Variants in TANC2 observed in about 807,000 individuals in gnomAD.
TANC2 encodes tetratricopeptide repeat, ankyrin repeat and coiled-coil containing 2.
TANC2 carries 26 observed loss-of-function variants against 210.5 expected under a neutral mutation model. The observed-to-expected ratio is 0.12, with a 90% CI of 0.09 to 0.17. The LOEUF (loss-of-function observed/expected upper bound fraction) is 0.17. Ranked by LOEUF, TANC2 falls within the 10% of genes least tolerant of loss-of-function variation. The pLI is 1.00. For missense variants in TANC2, 2,129 were observed against 2,608.9 expected (o/e 0.82, Z 4.01); for synonymous variants, 931 against 967.1 (o/e 0.96, Z 0.69).
At chr17:63,004,073 T>G (rs2033504983) in intron 1 of TANC2, among the ~76,000 whole-genome samples, 1 of 152,236 alleles carries the variant, frequency 6.6e-6, no homozygotes, top group Non-Finnish European at 1.5e-5. Context: ...AGTCTTCATT[T>G]GATGCTCAGA....
rs779826874 is a variant in TANC2 at position 63,207,824 on chromosome 17, CCA to C, written c.769+6868_769+6869del. The stretch of plus-strand genomic sequence containing the variant: ...TAATTTCATCTTTTATGAAACTATA[CCA>C]GTTTATACTGCCACTAGCAATATAC... On this transcript the variant is annotated intron_variant, in intron 7 of 27. Coordinates refer to ENST00000689528, the Ensembl canonical transcript of TANC2. Among the ~76,000 whole-genome samples, 10 of 152,160 alleles carry C rather than the reference CCA, an allele frequency of 6.6e-5. No homozygotes were observed. The South Asian group carries it at 8.3e-4, about 13-fold the overall frequency.
chr17:63,310,824 A>G (rs940720592), intron 9 of TANC2, among the ~76,000 whole-genome samples: 2 of 152,238 alleles, frequency 1.3e-5, no homozygotes, highest in African/African-American at 4.8e-5. Flanking sequence ...GGATATGGTC[A>G]TTTTCACGCA....
intron 13 of TANC2, 102 bp downstream of exon 13, chr17:63,351,518 A>G: frequency 4.6e-6 from 4 of 865,694 alleles, no homozygotes; most frequent in Non-Finnish European, 4.9e-6. Context: ...ACTATGTCCT[A>G]GAGCATTATG....
At chr17:63,095,328 G>A (rs369664430) in intron 3 of TANC2, among the ~76,000 whole-genome samples, 12 of 151,806 alleles carry the variant, frequency 7.9e-5, no homozygotes, top group Non-Finnish European at 1.6e-4. Context: ...GGTACGCCAC[G>A]CCCAGCTAAT....
intron 2 of TANC2, among the ~76,000 whole-genome samples, chr17:63,058,513 T>G (rs977545003): frequency 3.3e-5 from 5 of 152,200 alleles, no homozygotes; most frequent in African/African-American, 9.7e-5. Flanking sequence ...ATGTCCAGAA[T>G]GGGATTACCT....
In TANC2 at chr17:63,420,058, G is replaced by A. The variant is rs2048975206; in HGVS notation, c.4328G>A (p.Arg1443His). ...GCCATCAAGCTGTGTCCCAACAACC[G>A]TGAGATCCAGAGACTTCTGCTGAGA... Residue 1443 changes from arginine (R) to histidine (H), a missense_variant, in exon 28 of 28, where the codon CGT becomes CAT. By Grantham distance (29) the Arg-to-His change is conservative. Coordinates refer to ENST00000689528, the Ensembl canonical transcript of TANC2. The surrounding 1 kb of genome is among the most constrained non-coding windows in gnomAD (Gnocchi z 4.2). 13 of 1,552,170 alleles carry A rather than the reference G, an allele frequency of 8.4e-6. No individual in the cohort carries two copies. Among genetic ancestry groups the A allele is most frequent in the East Asian group, 2.4e-5 (1 of 40,906 alleles).
At chr17:63,301,554 G>A (rs2044713775) in intron 9 of TANC2, among the ~76,000 whole-genome samples, 2 of 152,150 alleles carry the variant, frequency 1.3e-5, no homozygotes, top group African/African-American at 4.8e-5. Context: ...AGATTTTGTA[G>A]TTTATTTGCA....
At position 63,310,893 on chromosome 17, in the gene TANC2, G is replaced by T. The variant is rs1178782127; in HGVS notation, c.1160-3495G>T. 3.3e-5 allele frequency among the ~76,000 whole-genome samples: 5 copies of T among 152,092 alleles called. No homozygotes were observed. In the East Asian group the frequency reaches 9.6e-4, roughly 29 times the overall value. ...AGGTGTATCAAAAACACAACCCATT[G>T]ACCCAGAAATTTCACTTCTAGCATT... On this transcript the variant is annotated intron_variant, in intron 9 of 27. Coordinates refer to ENST00000689528, the Ensembl canonical transcript of TANC2.
At chr17:62,982,566 A>G (rs2032356832) in intron 1 of TANC2, among the ~76,000 whole-genome samples, 1 of 152,106 alleles carries the variant, frequency 6.6e-6, no homozygotes. Flanking sequence ...CATCCTCCCC[A>G]TAATTTCAGT....
intron 1 of TANC2, among the ~76,000 whole-genome samples, chr17:62,993,574 T>C (rs1307186070): frequency 6.6e-6 from 1 of 152,242 alleles, no homozygotes; most frequent in Non-Finnish European, 1.5e-5. Context: ...TTTGATGTTA[T>C]TGTAAATGTA....
chr17:63,215,766 C>A (rs78570108), intron 7 of TANC2, among the ~76,000 whole-genome samples: 1 of 144,984 alleles, frequency 6.9e-6, no homozygotes, highest in Non-Finnish European at 1.5e-5. Flanking sequence ...TTTTTTTTTT[C>A]TGAGACGGAG....
chr17:63,289,584 C>G (rs955660769), intron 9 of TANC2, among the ~76,000 whole-genome samples: 6 of 152,138 alleles, frequency 3.9e-5, no homozygotes, highest in Non-Finnish European at 5.9e-5. Context: ...CTTACATTAC[C>G]CACTATTGTT....
intron 1 of TANC2, among the ~76,000 whole-genome samples, chr17:63,007,898 C>A (rs925419585): frequency 6.6e-6 from 1 of 150,976 alleles, no homozygotes; most frequent in South Asian, 2.1e-4. Flanking sequence ...GGAAGAACTC[C>A]CTTTTAGTAA....
intron 3 of TANC2, among the ~76,000 whole-genome samples, chr17:63,075,176 G>T (rs1039768577): frequency 5.3e-5 from 8 of 152,108 alleles, no homozygotes; most frequent in African/African-American, 1.9e-4. Flanking sequence ...ATATAAAAAT[G>T]AGATTATGTA....
chr17:63,033,460 A>T (rs892367312), intron 2 of TANC2, among the ~76,000 whole-genome samples: 2 of 152,140 alleles, frequency 1.3e-5, no homozygotes, highest in African/African-American at 4.8e-5. Context: ...TCTTGTGTCT[A>T]TTACTGGGTG....
chr17:63,143,372 T>A (rs1189308081), intron 4 of TANC2, among the ~76,000 whole-genome samples: 2 of 152,202 alleles, frequency 1.3e-5, no homozygotes, highest in African/African-American at 4.8e-5. Flanking sequence ...TCACATTTTT[T>A]ATGAAATGTT....
In TANC2 at chr17:63,183,995, C is replaced by T. The variant is rs376383566; in HGVS notation, c.434-9996C>T. Among the ~76,000 whole-genome samples, 382 of 150,134 alleles carry T rather than the reference C, an allele frequency of 2.5e-3. 13 individuals carry two copies. In the South Asian group the frequency reaches 0.066, roughly 26 times the overall value. ...TCGCGCCACTGCACTCCAACCTGGGCGACAGCGAGACTCCGTCTCAAAAAA... is the reference window on the plus strand; with the variant it reads ...TCGCGCCACTGCACTCCAACCTGGGTGACAGCGAGACTCCGTCTCAAAAAA... On this transcript the variant is annotated intron_variant, in intron 5 of 27. Coordinates refer to ENST00000689528, the Ensembl canonical transcript of TANC2.
intron 7 of TANC2, among the ~76,000 whole-genome samples, chr17:63,225,902 C>CATTATTTGTTACCTACAT (rs2042315655): frequency 6.6e-6 from 1 of 152,112 alleles, no homozygotes; most frequent in Admixed American, 6.5e-5. Context: ...TTTAGAACTT[C>CATTATTTGTTACCTACAT]TATTTTGAAT....
chr17:63,061,694 G>A (rs910741338), intron 2 of TANC2, among the ~76,000 whole-genome samples: 2 of 151,860 alleles, frequency 1.3e-5, no homozygotes, highest in African/African-American at 4.8e-5. Context: ...TTGAATTACA[G>A]TTTTTCTGTT....
Sources: gnomAD v4.1 joint callset for allele counts (sites outside exome capture counted in the v4.1 genomes callset) on GRCh38, gnomAD v4.1.1 for gene constraint, Gnocchi (gnomAD v3.1) non-coding constraint, MANE v1.5 for transcripts, NCBI Gene and HGNC (gene_info 2026-07-23, HGNC 2026-07-21) for gene names.